Variants in GALNTL6 observed in about 807,000 individuals in gnomAD.
The protein encoded by GALNTL6 is polypeptide N-acetylgalactosaminyltransferase-like 6.
Under a neutral mutation model 73.7 loss-of-function variants are expected in GALNTL6, and 46 were observed. The ratio of observed to expected loss-of-function variants is 0.62; its 90% CI spans 0.49 to 0.80. The LOEUF (loss-of-function observed/expected upper bound fraction) is 0.80, where lower values mean the gene tolerates loss of function less well. GALNTL6 is among the 30% of genes least tolerant of loss of function. The pLI, the probability that GALNTL6 is intolerant of heterozygous loss-of-function variation, is 0.00. For missense variants in GALNTL6, 604 were observed against 755.0 expected (o/e 0.80, Z 2.34); for synonymous variants, 259 against 263.7 (o/e 0.98, Z 0.17).
intron 3 of GALNTL6, among the ~76,000 whole-genome samples, chr4:172,246,508 T>C (rs1737665426): frequency 1.3e-5 from 2 of 152,110 alleles, no homozygotes; most frequent in Non-Finnish European, 2.9e-5. Context: ...TAGAAATAAA[T>C]GTATGCAGCT....
intron 2 of GALNTL6, among the ~76,000 whole-genome samples, chr4:171,879,966 T>G (rs1458121049): frequency 6.6e-6 from 1 of 152,222 alleles, no homozygotes; most frequent in Admixed American, 6.5e-5. Context: ...TTAATTGTTA[T>G]GTATTAATAA....
At chr4:172,209,070 A>G (rs1489284622) in intron 2 of GALNTL6, among the ~76,000 whole-genome samples, 1 of 152,136 alleles carries the variant, frequency 6.6e-6, no homozygotes, top group Non-Finnish European at 1.5e-5. Context: ...ATATTCTAGA[A>G]GAAAAGCTAA....
chr4:171,842,031 G>A (rs1302054106), intron 2 of GALNTL6, among the ~76,000 whole-genome samples: 2 of 152,038 alleles, frequency 1.3e-5, no homozygotes, highest in East Asian at 3.9e-4. Flanking sequence ...TGGCCTATCA[G>A]CAGAATACCT....
intron 2 of GALNTL6, among the ~76,000 whole-genome samples, chr4:171,838,108 C>CTATTTATT (rs57493491): frequency 0.02 from 2,937 of 149,550 alleles, 76 homozygotes; most frequent in African/African-American, 0.061. Context: ...TTGTTTCTGT[C>CTATTTATT]TATTTATTTA....
At chr4:172,748,607 T>G (rs1355340917) in intron 5 of GALNTL6, among the ~76,000 whole-genome samples, 1 of 152,024 alleles carries the variant, frequency 6.6e-6, no homozygotes, top group Non-Finnish European at 1.5e-5. Context: ...GAGGCTGGGG[T>G]TACGGGTAGA....
At chr4:172,026,687 A>G (rs943797545) in intron 2 of GALNTL6, among the ~76,000 whole-genome samples, 1 of 152,132 alleles carries the variant, frequency 6.6e-6, no homozygotes, top group Non-Finnish European at 1.5e-5. Context: ...TTTTGTATAT[A>G]TACACATAAC....
At chr4:172,355,584 T>C (rs1742120959) in intron 5 of GALNTL6, among the ~76,000 whole-genome samples, 1 of 152,124 alleles carries the variant, frequency 6.6e-6, no homozygotes, top group Admixed American at 6.6e-5. Context: ...TTGTAAAAGG[T>C]ATGATGAGTA....
intron 4 of GALNTL6, among the ~76,000 whole-genome samples, chr4:172,313,665 G>A (rs1740443879): frequency 6.6e-6 from 1 of 152,048 alleles, no homozygotes; most frequent in African/African-American, 2.4e-5. Flanking sequence ...TTTACAATAT[G>A]AAGAAAGCAT....
At chr4:172,690,434 A>G (rs1243529957) in intron 5 of GALNTL6, among the ~76,000 whole-genome samples, 2 of 152,214 alleles carry the variant, frequency 1.3e-5, no homozygotes, top group Non-Finnish European at 2.9e-5. Context: ...GTTAAGAAAG[A>G]AGCCATTTCT....
chr4:172,371,061 CT>C (rs1742789784), intron 5 of GALNTL6, among the ~76,000 whole-genome samples: 1 of 152,164 alleles, frequency 6.6e-6, no homozygotes, highest in Non-Finnish European at 1.5e-5. Context: ...TAAATGTCTC[CT>C]TCCTGATTCT....
chr4:172,791,244 T>C (rs1034540737), intron 5 of GALNTL6, among the ~76,000 whole-genome samples: 7 of 152,126 alleles, frequency 4.6e-5, no homozygotes, highest in Non-Finnish European at 1.0e-4. Flanking sequence ...ACACAAGATG[T>C]GGGTTTGAGA....
At position 172,327,036 on chromosome 4, in the gene GALNTL6, A is replaced by T. The variant is rs372200989; in HGVS notation, c.386+15284A>T. On this transcript the variant is annotated intron_variant, in intron 4 of 12. Transcript: ENST00000506823. The stretch of plus-strand genomic sequence containing the variant: ...ATTATAAGCCTAAAAATATAATACT[A>T]TCATTTTTGCTATAAGCTAATCGAT... Among the ~76,000 whole-genome samples, 33 of 152,160 alleles carry T rather than the reference A, an allele frequency of 2.2e-4. No individual in the cohort carries two copies. The East Asian group carries it at 6.2e-3, about 28-fold the overall frequency.
chr4:171,853,479 G>A (rs1474887856), intron 2 of GALNTL6, among the ~76,000 whole-genome samples: 6 of 128,894 alleles, frequency 4.7e-5, no homozygotes, highest in African/African-American at 1.8e-4. Flanking sequence ...TTTTTTTTCT[G>A]TTCTTTCTTA....
At chr4:172,247,262 A>G (rs993035893) in intron 3 of GALNTL6, among the ~76,000 whole-genome samples, 1 of 152,110 alleles carries the variant, frequency 6.6e-6, no homozygotes, top group Non-Finnish European at 1.5e-5. Context: ...TCTCTACCAC[A>G]AGCTCTGGGA....
At chr4:172,177,447 G>T (rs1373002890) in intron 2 of GALNTL6, among the ~76,000 whole-genome samples, 2 of 151,998 alleles carry the variant, frequency 1.3e-5, no homozygotes, top group Admixed American at 1.3e-4. Context: ...AGTTTATCTA[G>T]ATATTTTACA....
chr4:172,617,006 T>A (rs1738764176), intron 5 of GALNTL6, among the ~76,000 whole-genome samples: 1 of 152,120 alleles, frequency 6.6e-6, no homozygotes, highest in South Asian at 2.1e-4. Context: ...GTCTCAAAGC[T>A]CTTGGTTTTT....
At chr4:172,617,135 GTGTT>G (rs530959523) in intron 5 of GALNTL6, among the ~76,000 whole-genome samples, 6 of 151,936 alleles carry the variant, frequency 3.9e-5, no homozygotes, top group Non-Finnish European at 8.8e-5. Flanking sequence ...GATAAGTAGT[GTGTT>G]TGTTTGTGTG....
chr4:171,951,978 TG>T (rs1230800779), intron 2 of GALNTL6, among the ~76,000 whole-genome samples: 1 of 151,856 alleles, frequency 6.6e-6, no homozygotes, highest in Non-Finnish European at 1.5e-5. Context: ...AATGAAAGTT[TG>T]GAAAGAAATA....
Position 172,611,202 on chromosome 4 carries a change from G to A in GALNTL6, c.554-198159G>A, listed in dbSNP as rs76109220. Among the ~76,000 whole-genome samples, 1,307 of 152,078 alleles carry A rather than the reference G, an allele frequency of 8.6e-3. 16 individuals are homozygous for A. The highest frequency in any genetic ancestry group is 0.026 in the African/African-American group (1,094 of 41,514). The stretch of plus-strand genomic sequence containing the variant: ...ACATTCAAGATTAATATTGATATGT[G>A]CAGATTTGATCTTGTCATTATGATG... On this transcript the variant is annotated intron_variant, in intron 5 of 12. Coordinates refer to ENST00000506823, the MANE Select transcript of GALNTL6 (RefSeq NM_001034845.3).
Sources: gnomAD v4.1 joint callset for allele counts (sites outside exome capture counted in the v4.1 genomes callset) on GRCh38, gnomAD v4.1.1 for gene constraint, MANE v1.5 for transcripts, NCBI Gene and HGNC (gene_info 2026-07-23, HGNC 2026-07-21) for gene names.